The following FHIT variants were observed in gnomAD, a reference collection of about 807,000 sequenced individuals.
FHIT encodes bis(5'-adenosyl)-triphosphatase.
FHIT carries 19 observed loss-of-function variants against 17.9 expected under a neutral mutation model. That is an observed-to-expected ratio of 1.06 (90% CI 0.74 to 1.56). The LOEUF (loss-of-function observed/expected upper bound fraction) is 1.56, where lower values mean the gene tolerates loss of function less well. Ranked by LOEUF, FHIT falls within the 40% of genes most tolerant of loss-of-function variation. The pLI is 0.00. For missense variants in FHIT, 248 were observed against 189.2 expected (o/e 1.31, Z -1.82); for synonymous variants, 81 against 69.7 (o/e 1.16, Z -0.81).
chr3:60,066,868 T>C (rs1276362493), intron 5 of FHIT, among the ~76,000 whole-genome samples: 1 of 151,852 alleles, frequency 6.6e-6, no homozygotes, highest in Non-Finnish European at 1.5e-5. Flanking sequence ...GTGGTCTCGA[T>C]CTCCTGACCT....
intron 4 of FHIT, among the ~76,000 whole-genome samples, chr3:60,569,261 G>A (rs933850111): frequency 5.3e-5 from 8 of 152,056 alleles, no homozygotes; most frequent in Non-Finnish European, 8.8e-5. Flanking sequence ...TTTGATACCA[G>A]CATTTTCCTC....
At chr3:59,948,070 T>A (rs1171753069) in intron 7 of FHIT, among the ~76,000 whole-genome samples, 1 of 152,170 alleles carries the variant, frequency 6.6e-6, no homozygotes, top group African/African-American at 2.4e-5. Context: ...TTTGACTGTG[T>A]CCAGTTTTCA....
At chr3:60,354,563 T>C (rs1699563753) in intron 5 of FHIT, among the ~76,000 whole-genome samples, 1 of 152,172 alleles carries the variant, frequency 6.6e-6, no homozygotes, top group Non-Finnish European at 1.5e-5. Context: ...AATTTAATTC[T>C]AATAATAAGT....
intron 5 of FHIT, among the ~76,000 whole-genome samples, chr3:60,307,573 A>G (rs1226976335): frequency 6.6e-6 from 1 of 152,194 alleles, no homozygotes; most frequent in Non-Finnish European, 1.5e-5. Context: ...CACCTGCTAC[A>G]AATATCATGG....
At chr3:60,675,604 T>C (rs2040605152) in intron 4 of FHIT, among the ~76,000 whole-genome samples, 1 of 152,214 alleles carries the variant, frequency 6.6e-6, no homozygotes, top group Non-Finnish European at 1.5e-5. Context: ...CCTTCCTTGG[T>C]GGTAGTTATG....
At chr3:59,983,620 T>C (rs1187772904) in intron 7 of FHIT, among the ~76,000 whole-genome samples, 7 of 152,144 alleles carry the variant, frequency 4.6e-5, no homozygotes, top group Non-Finnish European at 1.0e-4. Flanking sequence ...GCTGGGGTCT[T>C]AGAATGTATT....
At chr3:61,167,498 A>G (rs1560035544) in intron 2 of FHIT, among the ~76,000 whole-genome samples, 1 of 151,420 alleles carries the variant, frequency 6.6e-6, no homozygotes, top group East Asian at 1.9e-4. Flanking sequence ...TTAGTCGGGC[A>G]TGTGCCTGTA....
At chr3:60,689,127 CT>C (rs1222630165) in intron 4 of FHIT, among the ~76,000 whole-genome samples, 2 of 152,160 alleles carry the variant, frequency 1.3e-5, no homozygotes, top group African/African-American at 4.8e-5. Context: ...AGGAGTTTCC[CT>C]GCACAAGCTC....
chr3:60,820,293 G>A (rs986943618), intron 4 of FHIT, among the ~76,000 whole-genome samples: 6 of 152,258 alleles, frequency 3.9e-5, no homozygotes, highest in South Asian at 2.1e-4. Context: ...GGGCGACAGC[G>A]AGACTCCATT....
intron 5 of FHIT, among the ~76,000 whole-genome samples, chr3:60,263,201 T>G (rs1706390926): frequency 6.6e-6 from 1 of 151,910 alleles, no homozygotes; most frequent in Non-Finnish European, 1.5e-5. Context: ...CAATATCAAG[T>G]GTTGACAAGG....
chr3:60,351,417 T>C (rs936689958), intron 5 of FHIT, among the ~76,000 whole-genome samples: 3 of 152,204 alleles, frequency 2.0e-5, no homozygotes, highest in African/African-American at 7.2e-5. Context: ...GGTGTAACTT[T>C]ATATGCAGAA....
At chr3:60,869,451 A>G (rs1322584414) in intron 3 of FHIT, among the ~76,000 whole-genome samples, 1 of 152,126 alleles carries the variant, frequency 6.6e-6, no homozygotes, top group East Asian at 1.9e-4. Flanking sequence ...CTGCTTCTCA[A>G]TTCTCATAGG....
chr3:60,476,235 G>C (rs1418822405), intron 5 of FHIT, among the ~76,000 whole-genome samples: 2 of 152,134 alleles, frequency 1.3e-5, no homozygotes, highest in Non-Finnish European at 2.9e-5. Flanking sequence ...CCTGGTATGA[G>C]ACAGAAAAAT....
chr3:61,031,750 G>T (rs17686079), intron 3 of FHIT, among the ~76,000 whole-genome samples: 7,065 of 152,210 alleles, frequency 0.046, 192 homozygotes, highest in African/African-American at 0.054. Context: ...TCAGCTTCAA[G>T]GCCTGTGTTC....
At chr3:60,954,124 C>T (rs998600213) in intron 3 of FHIT, among the ~76,000 whole-genome samples, 20 of 152,158 alleles carry the variant, frequency 1.3e-4, no homozygotes, top group Non-Finnish European at 2.9e-5. Flanking sequence ...TCTATAATGA[C>T]TCAAGCCACA....
intron 3 of FHIT, among the ~76,000 whole-genome samples, chr3:60,911,805 C>A (rs1374941002): frequency 6.6e-6 from 1 of 152,014 alleles, no homozygotes; most frequent in African/African-American, 2.4e-5. Flanking sequence ...GAGAATGAAA[C>A]AATAAGTCTG....
intron 5 of FHIT, among the ~76,000 whole-genome samples, chr3:60,362,595 A>G (rs1245385384): frequency 6.6e-6 from 1 of 152,240 alleles, no homozygotes; most frequent in East Asian, 1.9e-4. Context: ...AAATTAAATC[A>G]TCAACATGAG....
chr3:59,795,274 C>T (rs1699732131), intron 8 of FHIT, among the ~76,000 whole-genome samples: 1 of 151,900 alleles, frequency 6.6e-6, no homozygotes, highest in Non-Finnish European at 1.5e-5. Context: ...GTCCCAGCTA[C>T]TAGGGAGGCT....
At chr3:59,940,692 C>A (rs1295520839) in intron 7 of FHIT, among the ~76,000 whole-genome samples, 1 of 152,034 alleles carries the variant, frequency 6.6e-6, no homozygotes, top group African/African-American at 2.4e-5. Context: ...TGAAGGCAGT[C>A]GAATATCTTA....
Sources: gnomAD v4.1 joint callset for allele counts (sites outside exome capture counted in the v4.1 genomes callset) on GRCh38, gnomAD v4.1.1 for gene constraint, MANE v1.5 for transcripts, NCBI Gene and HGNC (gene_info 2026-07-23, HGNC 2026-07-21) for gene names.